The following GSE1 variants were observed in gnomAD, a reference collection of about 807,000 sequenced individuals.
GSE1 encodes Gse1 coiled-coil protein.
In GSE1, 32 loss-of-function variants were observed where a neutral mutation model predicts 112.6. The ratio of observed to expected loss-of-function variants is 0.28; its 90% CI spans 0.21 to 0.38. The LOEUF (loss-of-function observed/expected upper bound fraction) is 0.38, where lower values mean the gene tolerates loss of function less well. Among genes scored for constraint, GSE1 ranks in the 10% least tolerant of loss-of-function variants. The probability of loss-of-function intolerance (pLI) is 1.00; values close to 1 mark genes in which losing one functional copy is unlikely to be tolerated. For missense variants in GSE1, 2,348 were observed against 1,699.2 expected, an observed-to-expected ratio of 1.38 and a Z score of -6.71; for synonymous variants, 1,115 against 735.6, an observed-to-expected ratio of 1.52 and a Z score of -8.35.
At chr16:85,569,518 T>G (rs1270854357) in intron 1 of GSE1, among the ~76,000 whole-genome samples, 3 of 152,184 alleles carry the variant, frequency 2.0e-5, no homozygotes, top group African/African-American at 7.2e-5. Flanking sequence ...ATTAAAAGGC[T>G]TTGTACATTT....
At chr16:85,541,895 C>G (rs747095565) in intron 2 of GSE1, among the ~76,000 whole-genome samples, 210 of 152,178 alleles carry the variant, frequency 1.4e-3, no homozygotes, top group Non-Finnish European at 2.6e-3. Context: ...GCACTGGGAA[C>G]GGGCTGAGCA....
intron 1 of GSE1, among the ~76,000 whole-genome samples, chr16:85,351,527 C>CGGGGGCTGCTCATAGGGAT (rs2046850061): frequency 6.7e-6 from 1 of 149,552 alleles, no homozygotes; most frequent in African/African-American, 2.5e-5. Context: ...ATGGGGTTGA[C>CGGGGGCTGCTCATAGGGAT]GGGGGCTGCT....
In GSE1 at chr16:85,506,561, C is replaced by T. The variant is rs543709202; in HGVS notation, c.2465-127353C>T. On this transcript the variant is annotated intron_variant, in intron 2 of 2. Coordinates refer to the GSE1 transcript ENST00000637419. The stretch of plus-strand genomic sequence containing the variant: ...CTTCTGGAGTGGCTAGTGCAGAAGG[C>T]GTGTTTTGAGGATGGAAGAGGAGGT... 5.9e-5 allele frequency among the ~76,000 whole-genome samples: 9 copies of T among 151,870 alleles called. No homozygotes were observed. The South Asian group carries it at 8.3e-4, about 14-fold the overall frequency.
intron 2 of GSE1, among the ~76,000 whole-genome samples, chr16:85,481,189 C>T (rs1269255038): frequency 1.3e-5 from 2 of 152,252 alleles, no homozygotes; most frequent in Non-Finnish European, 2.9e-5. Flanking sequence ...GGTTTACACC[C>T]AGCCTCAGCA....
At chr16:85,574,191 T>C (rs1397869334) in intron 1 of GSE1, among the ~76,000 whole-genome samples, 1 of 152,126 alleles carries the variant, frequency 6.6e-6, no homozygotes, top group Non-Finnish European at 1.5e-5. Context: ...AAGGAAGCCA[T>C]TGAGGGCCGG....
chr16:85,614,497 C>T (rs969993735), intron 1 of GSE1, among the ~76,000 whole-genome samples: 14 of 152,148 alleles, frequency 9.2e-5, no homozygotes, highest in African/African-American at 3.4e-4. Flanking sequence ...AGGCGCAGGC[C>T]ATAGGGAGGG....
chr16:85,388,862 C>T (rs573854585), intron 2 of GSE1, among the ~76,000 whole-genome samples: 3 of 152,202 alleles, frequency 2.0e-5, no homozygotes, highest in African/African-American at 7.2e-5. Context: ...TTGGATTGAG[C>T]CAGGACAAGT....
chr16:85,216,850 G>A (rs769785588), intron 1 of GSE1, among the ~76,000 whole-genome samples: 5 of 152,192 alleles, frequency 3.3e-5, no homozygotes, highest in East Asian at 3.9e-4. Flanking sequence ...GTCTCTTGCC[G>A]GCTGCCTGGC....
intron 1 of GSE1, among the ~76,000 whole-genome samples, chr16:85,329,037 C>T (rs1157801956): frequency 6.6e-6 from 1 of 152,154 alleles, no homozygotes; most frequent in Admixed American, 6.5e-5. Flanking sequence ...GGTCAGCTGC[C>T]CCGCCCCTAG....
intron 1 of GSE1, chr16:85,278,926 G>A (rs939502281): frequency 6.2e-6 from 1 of 160,300 alleles, no homozygotes; most frequent in Non-Finnish European, 1.4e-5. Context: ...AGCCACAGCA[G>A]ACTTACAGAG....
chr16:85,625,463 G>A (rs2049008436), intron 1 of GSE1, among the ~76,000 whole-genome samples: 2 of 152,190 alleles, frequency 1.3e-5, no homozygotes, highest in African/African-American at 4.8e-5. Flanking sequence ...CAAAACTGTA[G>A]TGTGGCGTCC....
chr16:85,440,341 C>T (rs1396055731), intron 2 of GSE1, among the ~76,000 whole-genome samples: 5 of 152,248 alleles, frequency 3.3e-5, no homozygotes, highest in African/African-American at 4.8e-5. Flanking sequence ...ATTGAGGCCT[C>T]AGGATTCCTT....
chr16:85,276,211 C>A (rs926486556), intron 1 of GSE1, among the ~76,000 whole-genome samples: 3 of 152,250 alleles, frequency 2.0e-5, no homozygotes, highest in Admixed American at 6.5e-5. Context: ...AGCTGGAAGA[C>A]CCTCCTGGTG....
intron 1 of GSE1, among the ~76,000 whole-genome samples, chr16:85,631,241 T>C (rs1433984020): frequency 1.3e-5 from 2 of 152,222 alleles, no homozygotes; most frequent in African/African-American, 4.8e-5. Context: ...CGGTGACAGA[T>C]AGGACCCGGA....
intron 1 of GSE1, among the ~76,000 whole-genome samples, chr16:85,239,038 C>T (rs1483180155): frequency 6.6e-6 from 1 of 152,168 alleles, no homozygotes; most frequent in Non-Finnish European, 1.5e-5. Flanking sequence ...AGCAATTCTC[C>T]TGCCTCAGCC....
At chr16:85,451,405 TGA>T (rs2049676383) in intron 2 of GSE1, among the ~76,000 whole-genome samples, 1 of 152,094 alleles carries the variant, frequency 6.6e-6, no homozygotes, top group Non-Finnish European at 1.5e-5. Flanking sequence ...AGTTGGTGCG[TGA>T]GCTGGTGGTT....
intron 2 of GSE1, among the ~76,000 whole-genome samples, chr16:85,635,242 T>TGG (rs1020687160): frequency 6.6e-6 from 1 of 151,792 alleles, no homozygotes; most frequent in Non-Finnish European, 1.5e-5. Flanking sequence ...CATTGATGGA[T>TGG]GGGGGGTATT....
chr16:85,181,131 C>T (rs958831334), intron 1 of GSE1, among the ~76,000 whole-genome samples: 3 of 152,316 alleles, frequency 2.0e-5, no homozygotes, highest in South Asian at 2.1e-4. Context: ...CCACAGGGTC[C>T]GCTGGCCCCG....
intron 1 of GSE1, among the ~76,000 whole-genome samples, chr16:85,352,685 A>C (rs2046875025): frequency 6.6e-6 from 1 of 152,162 alleles, no homozygotes. Flanking sequence ...CTGGCTGAGA[A>C]CTTTTGTCTC....
Sources: gnomAD v4.1 joint callset for allele counts (sites outside exome capture counted in the v4.1 genomes callset) on GRCh38, gnomAD v4.1.1 for gene constraint, MANE v1.5 for transcripts, NCBI Gene and HGNC (gene_info 2026-07-23, HGNC 2026-07-21) for gene names.